The following KCNMA1 variants were observed in gnomAD, a reference collection of about 807,000 sequenced individuals.
KCNMA1 encodes Calcium-activated potassium channel subunit alpha-1.
A neutral mutation model predicts 140.0 loss-of-function variants in KCNMA1; 29 were observed. The ratio of observed to expected loss-of-function variants is 0.21; its 90% CI spans 0.15 to 0.28. The LOEUF is 0.28. Ranked by LOEUF, KCNMA1 falls within the 10% of genes least tolerant of loss-of-function variation. The pLI is 1.00. For missense variants in KCNMA1, 880 were observed against 1,602.2 expected, an observed-to-expected ratio of 0.55 and a Z score of 7.70; for synonymous variants, 612 against 611.9, an observed-to-expected ratio of 1.00 and a Z score of 0.00.
intron 1 of KCNMA1, among the ~76,000 whole-genome samples, chr10:77,439,225 C>T (rs139350074): frequency 2.0e-5 from 3 of 152,240 alleles, no homozygotes; most frequent in Admixed American, 6.5e-5. Flanking sequence ...ACAGACAATA[C>T]CTGTATCCCA....
At chr10:76,959,117 T>C (rs1208981569) in intron 20 of KCNMA1, among the ~76,000 whole-genome samples, 1 of 152,182 alleles carries the variant, frequency 6.6e-6, no homozygotes, top group Non-Finnish European at 1.5e-5. Flanking sequence ...ACCACCAACA[T>C]ACAGGCATGT....
intron 19 of KCNMA1, among the ~76,000 whole-genome samples, chr10:76,977,377 C>A (rs2077949447): frequency 6.6e-6 from 1 of 152,132 alleles, no homozygotes; most frequent in Admixed American, 6.5e-5. Flanking sequence ...TGGTAACCCA[C>A]TAAAAAGATA....
At chr10:76,952,710 T>C (rs1419908223) in intron 21 of KCNMA1, among the ~76,000 whole-genome samples, 1 of 152,188 alleles carries the variant, frequency 6.6e-6, no homozygotes, top group Non-Finnish European at 1.5e-5. Context: ...TCATTTATAA[T>C]TAAGCTGAGA....
At chr10:77,464,299 T>C (rs992005962) in intron 1 of KCNMA1, among the ~76,000 whole-genome samples, 1 of 152,128 alleles carries the variant, frequency 6.6e-6, no homozygotes, top group Non-Finnish European at 1.5e-5. Flanking sequence ...GGAGGGCCTT[T>C]ACAGAAAAAC....
intron 1 of KCNMA1, among the ~76,000 whole-genome samples, chr10:77,516,401 C>A (rs1044163927): frequency 6.6e-6 from 1 of 152,196 alleles, no homozygotes; most frequent in Non-Finnish European, 1.5e-5. Context: ...GGCCACCTGG[C>A]TTCTCCTGTT....
intron 1 of KCNMA1, among the ~76,000 whole-genome samples, chr10:77,475,374 T>C (rs1567046132): frequency 6.6e-6 from 1 of 152,110 alleles, no homozygotes; most frequent in Non-Finnish European, 1.5e-5. Context: ...GGTGCCACAT[T>C]ACTATACAGT....
chr10:77,323,766 A>C (rs1211542407), intron 2 of KCNMA1, among the ~76,000 whole-genome samples: 1 of 152,192 alleles, frequency 6.6e-6, no homozygotes, highest in East Asian at 1.9e-4. Context: ...CCTAGCAGTC[A>C]AGTTCCATGT....
intron 2 of KCNMA1, among the ~76,000 whole-genome samples, chr10:77,359,987 G>A (rs530637664): frequency 1.6e-4 from 25 of 152,236 alleles, no homozygotes; most frequent in Middle Eastern, 3.4e-3. Context: ...AGAGCAAAGC[G>A]ATAAGAAGAA....
intron 9 of KCNMA1, 26 bp from the exon 10 acceptor site, chr10:77,090,536 A>G (rs1414067644): frequency 2.7e-6 from 4 of 1,501,116 alleles, no homozygotes; most frequent in Admixed American, 3.3e-5. Flanking sequence ...CAGTTAGATC[A>G]GGCCAGGCAC....
At chr10:77,061,553 G>T (rs2153670003) in intron 14 of KCNMA1, among the ~76,000 whole-genome samples, 1 of 152,316 alleles carries the variant, frequency 6.6e-6, no homozygotes, top group East Asian at 1.9e-4. Flanking sequence ...ATTGCTTGCT[G>T]ATGGGAATGA....
intron 1 of KCNMA1, among the ~76,000 whole-genome samples, chr10:77,455,783 TC>T (rs2097754013): frequency 1.3e-5 from 2 of 151,946 alleles, no homozygotes; most frequent in Non-Finnish European, 2.9e-5. Context: ...GGCAATTCCC[TC>T]CCCCATCACT....
chr10:77,051,375 A>G (rs1034577592), intron 14 of KCNMA1, among the ~76,000 whole-genome samples: 1 of 152,188 alleles, frequency 6.6e-6, no homozygotes, highest in Non-Finnish European at 1.5e-5. Context: ...AGTTTTAGGT[A>G]TCAGAGTGAT....
chr10:76,887,710 A>C (rs2037790001), intron 27 of KCNMA1, 195 bp from the exon 28 acceptor site: 1 of 632,180 alleles, frequency 1.6e-6, no homozygotes, highest in Non-Finnish European at 2.7e-6. Flanking sequence ...TCAATAAAGG[A>C]GGCCAGCCAG....
intron 1 of KCNMA1, among the ~76,000 whole-genome samples, chr10:77,602,544 G>T (rs1239967706): frequency 6.6e-6 from 1 of 152,174 alleles, no homozygotes; most frequent in Admixed American, 6.5e-5. Flanking sequence ...AAATTTTATA[G>T]CATGTGAGTG....
At chr10:77,591,030 G>A (rs1294600665) in intron 1 of KCNMA1, among the ~76,000 whole-genome samples, 4 of 152,154 alleles carry the variant, frequency 2.6e-5, no homozygotes, top group African/African-American at 7.2e-5. Flanking sequence ...ACCTCATATG[G>A]TGCCAGCAGA....
At chr10:77,070,374 A>G (rs1223681284) in intron 14 of KCNMA1, among the ~76,000 whole-genome samples, 3 of 152,150 alleles carry the variant, frequency 2.0e-5, no homozygotes, top group African/African-American at 7.2e-5. Context: ...CCTGTGCCAC[A>G]TCTTTGCTGT....
chr10:77,114,241 G>A (rs1265238431), intron 6 of KCNMA1, among the ~76,000 whole-genome samples: 1 of 152,112 alleles, frequency 6.6e-6, no homozygotes, highest in Non-Finnish European at 1.5e-5. Context: ...GACATTTTGA[G>A]GTCCCTAAGA....
intron 5 of KCNMA1, among the ~76,000 whole-genome samples, chr10:77,129,811 A>G (rs949253919): frequency 1.3e-5 from 2 of 152,166 alleles, no homozygotes; most frequent in African/African-American, 4.8e-5. Flanking sequence ...ATTATCCACA[A>G]TGATATTCTA....
At chr10:76,950,401 C>T (rs376774237) in intron 21 of KCNMA1, among the ~76,000 whole-genome samples, 1 of 152,196 alleles carries the variant, frequency 6.6e-6, no homozygotes, top group South Asian at 2.1e-4. Flanking sequence ...ACAAAGGAGA[C>T]AAATGAAAGA....
Sources: gnomAD v4.1 joint callset for allele counts (sites outside exome capture counted in the v4.1 genomes callset) on GRCh38, gnomAD v4.1.1 for gene constraint, MANE v1.5 for transcripts, NCBI Gene and HGNC (gene_info 2026-07-23, HGNC 2026-07-21) for gene names.